Variants in RUNX2 observed in about 807,000 individuals in gnomAD.
RUNX2 encodes the protein RUNX family transcription factor 2.
RUNX2 carries 10 observed loss-of-function variants against 51.7 expected under a neutral mutation model. The ratio of observed to expected loss-of-function variants is 0.19; its 90% CI spans 0.12 to 0.33. The LOEUF (loss-of-function observed/expected upper bound fraction) is 0.33. RUNX2 is among the 10% of genes least tolerant of loss of function. The pLI is 1.00. For missense variants in RUNX2, 562 were observed against 691.3 expected, an observed-to-expected ratio of 0.81 and a Z score of 2.10; for synonymous variants, 276 against 273.6, an observed-to-expected ratio of 1.01 and a Z score of -0.09.
At chr6:45,437,466 A>C (rs1225459709) in intron 4 of RUNX2, among the ~76,000 whole-genome samples, 1 of 152,176 alleles carries the variant, frequency 6.6e-6, no homozygotes, top group Non-Finnish European at 1.5e-5. Flanking sequence ...TTATCTTCTT[A>C]TTGTAGTGCA....
At chr6:45,434,493 A>T (rs1163441659) in intron 4 of RUNX2, among the ~76,000 whole-genome samples, 1 of 152,196 alleles carries the variant, frequency 6.6e-6, no homozygotes, top group Non-Finnish European at 1.5e-5. Flanking sequence ...AGAAACTGAA[A>T]AACAATCTTA....
intron 2 of RUNX2, among the ~76,000 whole-genome samples, chr6:45,339,249 G>T (rs2150124697): frequency 6.6e-6 from 1 of 152,180 alleles, no homozygotes; most frequent in South Asian, 2.1e-4. Flanking sequence ...TCCAAATCTG[G>T]CTGATCAACA....
chr6:45,397,492 T>C (rs1797609576), intron 2 of RUNX2, among the ~76,000 whole-genome samples: 1 of 152,174 alleles, frequency 6.6e-6, no homozygotes, highest in Non-Finnish European at 1.5e-5. Context: ...TCACCAATAA[T>C]ATTTGAGAGT....
chr6:45,442,446 T>C (rs1798868710), intron 5 of RUNX2, among the ~76,000 whole-genome samples: 1 of 152,218 alleles, frequency 6.6e-6, no homozygotes, highest in Non-Finnish European at 1.5e-5. Flanking sequence ...GTTCCATCTG[T>C]GGACTTGGTT....
At chr6:45,531,033 C>T (rs955917407) in intron 7 of RUNX2, among the ~76,000 whole-genome samples, 4 of 152,146 alleles carry the variant, frequency 2.6e-5, no homozygotes, top group Admixed American at 6.5e-5. Flanking sequence ...CTACTATACT[C>T]AGTAGTTTGC....
chr6:45,340,381 T>A (rs765465261), intron 2 of RUNX2, among the ~76,000 whole-genome samples: 1 of 152,158 alleles, frequency 6.6e-6, no homozygotes, highest in Non-Finnish European at 1.5e-5. Context: ...TAGAGTGCAC[T>A]GGCATGATCA....
At chr6:45,439,382 T>A (rs1301049696) in intron 5 of RUNX2, among the ~76,000 whole-genome samples, 1 of 152,094 alleles carries the variant, frequency 6.6e-6, no homozygotes, top group Non-Finnish European at 1.5e-5. Flanking sequence ...GGTTATGGAG[T>A]GCAGGTGAAT....
chr6:45,385,515 C>T (rs1797330204), intron 2 of RUNX2, among the ~76,000 whole-genome samples: 1 of 152,142 alleles, frequency 6.6e-6, no homozygotes, highest in African/African-American at 2.4e-5. Context: ...TCTGTGTGGG[C>T]ACAGCAGATT....
At chr6:45,535,570 C>T (rs1289396039) in intron 7 of RUNX2, among the ~76,000 whole-genome samples, 1 of 150,610 alleles carries the variant, frequency 6.6e-6, no homozygotes, top group Non-Finnish European at 1.5e-5. Context: ...CGCCACTGCA[C>T]TCTAGCCTGG....
At chr6:45,331,132 C>T (rs930685199) in intron 2 of RUNX2, among the ~76,000 whole-genome samples, 23 of 149,450 alleles carry the variant, frequency 1.5e-4, no homozygotes, top group Non-Finnish European at 2.5e-4. Flanking sequence ...TGTGTGCGCG[C>T]GCGCGCGCAC....
At chr6:45,534,835 A>T (rs933935245) in intron 7 of RUNX2, among the ~76,000 whole-genome samples, 3 of 152,216 alleles carry the variant, frequency 2.0e-5, no homozygotes, top group Non-Finnish European at 2.9e-5. Context: ...TAACTGTGAG[A>T]GGGGCCATGG....
intron 2 of RUNX2, among the ~76,000 whole-genome samples, chr6:45,331,381 A>C (rs1310184142): frequency 2.0e-5 from 3 of 152,004 alleles, no homozygotes; most frequent in Non-Finnish European, 4.4e-5. Flanking sequence ...ATGTGTGAAC[A>C]CTGATTTCCA....
At chr6:45,429,012 A>G (rs555484178) in intron 3 of RUNX2, among the ~76,000 whole-genome samples, 2 of 152,318 alleles carry the variant, frequency 1.3e-5, no homozygotes, top group South Asian at 4.1e-4. Context: ...AACAGACAGC[A>G]GATTTGGAAC....
At chr6:45,330,485 C>G (rs1319054621) in intron 2 of RUNX2, among the ~76,000 whole-genome samples, 1 of 151,854 alleles carries the variant, frequency 6.6e-6, no homozygotes, top group Non-Finnish European at 1.5e-5. Context: ...CTCTGTTTAA[C>G]TATTTATTTT....
intron 5 of RUNX2, among the ~76,000 whole-genome samples, chr6:45,448,992 C>G (rs1002019792): frequency 2.6e-5 from 4 of 152,188 alleles, no homozygotes; most frequent in African/African-American, 9.7e-5. Flanking sequence ...CACCCCCTCA[C>G]TGTTTACTCC....
chr6:45,401,940 TG>T (rs1797719749), intron 2 of RUNX2, among the ~76,000 whole-genome samples: 1 of 152,256 alleles, frequency 6.6e-6, no homozygotes, highest in African/African-American at 2.4e-5. Flanking sequence ...AAACTCTCTT[TG>T]TCTTCAGCTT....
intron 7 of RUNX2, among the ~76,000 whole-genome samples, chr6:45,519,762 G>A (rs1801440373): frequency 6.7e-6 from 1 of 148,746 alleles, no homozygotes. Flanking sequence ...GCATTCCATT[G>A]GAAGGATGCT....
chr6:45,505,613 G>T (rs1054316873), intron 6 of RUNX2, among the ~76,000 whole-genome samples: 2 of 152,048 alleles, frequency 1.3e-5, no homozygotes, highest in Admixed American at 1.3e-4. Context: ...ATCTCCACAG[G>T]TTTACATAAA....
intron 2 of RUNX2, among the ~76,000 whole-genome samples, chr6:45,404,090 C>T (rs1259550419): frequency 1.3e-5 from 2 of 151,092 alleles, no homozygotes; most frequent in Non-Finnish European, 3.0e-5. Flanking sequence ...TGAAACCGTA[C>T]CTCTACTAAA....
Sources: allele counts gnomAD v4.1 joint callset (sites outside exome capture counted in the v4.1 genomes callset), GRCh38; gene constraint gnomAD v4.1.1; transcripts MANE v1.5; gene names NCBI Gene and HGNC (gene_info 2026-07-23, HGNC 2026-07-21).